EGFL6: variants seen among roughly 807,000 people sequenced by gnomAD.
The protein encoded by EGFL6 is EGF like domain multiple 6.
A neutral mutation model predicts 43.1 loss-of-function variants in EGFL6; 42 were observed. The observed-to-expected ratio is 0.98, with a 90% CI of 0.76 to 1.26. The LOEUF is 1.26. Among genes scored for constraint, EGFL6 ranks in the 50% most tolerant of loss-of-function variants. EGFL6 has a pLI of 0.00. For missense variants in EGFL6, 429 were observed against 427.8 expected, an observed-to-expected ratio of 1.00 and a Z score of -0.02; for synonymous variants, 164 against 163.2, an observed-to-expected ratio of 1.01 and a Z score of -0.04.
Position 13,589,624 on chromosome X carries a change from C to T in EGFL6, c.143C>T (p.Ala48Val). The T allele has an allele frequency of 1.6e-5, 19 of 1,210,975 alleles. No individual in the cohort carries two copies. The highest frequency in any genetic ancestry group is 2.0e-5 in the Non-Finnish European group (18 of 895,083). Residue 48 changes from alanine (A) to valine (V), a missense_variant, in exon 2 of 12, where the codon GCC (alanine) becomes GTC (valine). Coordinates refer to ENST00000361306, the MANE Select transcript of EGFL6 (RefSeq NM_015507.4). ...GTCTGTCACTATGGAACTAAACTGGCCTGCTGCTACGGCTGGAGAAGAAAC... is the reference window on the plus strand; with the variant it reads ...GTCTGTCACTATGGAACTAAACTGGTCTGCTGCTACGGCTGGAGAAGAAAC... ...PGVCHYGTKL[A>V]CCYGWRRNSK...
chrX:13,606,592 C>A, intron 6 of EGFL6, 79 bp downstream of exon 6: 1 of 1,062,253 alleles, frequency 9.4e-7, no homozygotes, highest in Non-Finnish European at 1.3e-6. Flanking sequence ...ATTTTGATGT[C>A]AATTCAAGCT....
chrX:13,628,788 CAA>C (rs917544953), intron 11 of EGFL6, among the ~76,000 whole-genome samples: 10 of 108,215 alleles, frequency 9.2e-5, no homozygotes, highest in Admixed American at 2.9e-4. Flanking sequence ...GCCTGGGCAA[CAA>C]GAGTGAAACT....
At chrX:13,623,376 G>GTTTTTTTTTTTTTTTTTTT (rs1569209997) in intron 9 of EGFL6, among the ~76,000 whole-genome samples, 11 of 41,022 alleles carry the variant, frequency 2.7e-4, no homozygotes, top group East Asian at 1.3e-3. Context: ...TTTTATTTTG[G>GTTTTTTTTTTTTTTTTTTT]GTTTTTTTTT....
intron 1 of EGFL6, among the ~76,000 whole-genome samples, chrX:13,572,639 C>A (rs1986396): frequency 0.081 from 9,061 of 111,404 alleles, 288 homozygotes; most frequent in East Asian, 0.18. Flanking sequence ...TCCTTCCTTA[C>A]AACATATTTC....
chrX:13,587,490 A>T (rs1007923682), intron 1 of EGFL6, among the ~76,000 whole-genome samples: 2 of 111,615 alleles, frequency 1.8e-5, no homozygotes, highest in African/African-American at 6.5e-5. Flanking sequence ...TGTGTTGGTA[A>T]TATTTGACAT....
intron 5 of EGFL6, among the ~76,000 whole-genome samples, chrX:13,603,840 G>C (rs2045647024): frequency 9.0e-6 from 1 of 111,483 alleles, no homozygotes; most frequent in Non-Finnish European, 1.9e-5. Flanking sequence ...TTATTTTTTA[G>C]ATATAACATT....
chrX:13,598,954 A>T (rs776363323), intron 3 of EGFL6, among the ~76,000 whole-genome samples: 424 of 103,705 alleles, frequency 4.1e-3, no homozygotes, highest in African/African-American at 0.014. Context: ...ATATATATAT[A>T]TATATTTTTT....
At chrX:13,613,525 T>C (rs2045703746) in intron 7 of EGFL6, among the ~76,000 whole-genome samples, 1 of 111,437 alleles carries the variant, frequency 9.0e-6, no homozygotes, top group South Asian at 3.8e-4. Flanking sequence ...TTACCTTAGC[T>C]TGATTCCTGA....
At chrX:13,606,641 T>C in intron 6 of EGFL6, 128 bp downstream of exon 6, 1 of 705,862 alleles carries the variant, frequency 1.4e-6, no homozygotes. Context: ...AGCTTAACAA[T>C]AAGGAAAGGT....
At chrX:13,592,868 G>GA (rs1178714895) in intron 2 of EGFL6, among the ~76,000 whole-genome samples, 1 of 73,681 alleles carries the variant, frequency 1.4e-5, no homozygotes, top group Admixed American at 1.8e-4. Context: ...TGTCGGGGGG[G>GA]TGGGGGGGCT....
chrX:13,577,306 A>G, intron 1 of EGFL6, among the ~76,000 whole-genome samples: 1 of 10,976 alleles, frequency 9.1e-5, no homozygotes, highest in Non-Finnish European at 2.0e-4. Flanking sequence ...TTTTATATAT[A>G]TATATATATA....
intron 7 of EGFL6, among the ~76,000 whole-genome samples, chrX:13,608,782 T>C (rs759950132): frequency 3.5e-5 from 4 of 112,684 alleles, no homozygotes; most frequent in African/African-American, 1.3e-4. Context: ...CAGGATAGAC[T>C]GAGTTATGAT....
intron 1 of EGFL6, among the ~76,000 whole-genome samples, chrX:13,586,594 T>G (rs1045860101): frequency 2.7e-5 from 3 of 111,020 alleles, no homozygotes; most frequent in African/African-American, 9.8e-5. Context: ...TCCAACCCCA[T>G]GACCTAATTA....
At chrX:13,592,873 G>A (rs1395802294) in intron 2 of EGFL6, among the ~76,000 whole-genome samples, 4 of 64,310 alleles carry the variant, frequency 6.2e-5, no homozygotes, top group Non-Finnish European at 1.1e-4. Flanking sequence ...GGGGGGTGGG[G>A]GGGCTAGAAA....
rs2045685163 is a variant in EGFL6 at position 13,610,809 on chromosome X, T to C, written c.778+2363T>C. Among the ~76,000 whole-genome samples, 6 of 111,509 alleles carry C rather than the reference T, an allele frequency of 5.4e-5. No individual in the cohort carries two copies. The Admixed American group carries it at 5.7e-4, about 11-fold the overall frequency. The stretch of plus-strand genomic sequence containing the variant: ...CCTCTCTAAGCTCAGTTTCCTCCTG[T>C]TCAAAATGGGGTTTATGGTAGTACT... On this transcript the variant is annotated intron_variant, in intron 7 of 11. Transcript: ENST00000361306.
chrX:13,619,054 G>A, intron 8 of EGFL6, 109 bp from the exon 9 acceptor site: 1 of 577,575 alleles, frequency 1.7e-6, no homozygotes, highest in Non-Finnish European at 2.9e-6. Context: ...AATATATTCT[G>A]TAATTAGAAT....
intron 1 of EGFL6, among the ~76,000 whole-genome samples, chrX:13,583,996 A>C (rs780313056): frequency 8.9e-6 from 1 of 112,210 alleles, no homozygotes; most frequent in Non-Finnish European, 1.9e-5. Context: ...TACTACGAAT[A>C]ATAAAAGCAA....
intron 2 of EGFL6, among the ~76,000 whole-genome samples, chrX:13,593,246 C>T (rs1351764819): frequency 1.8e-5 from 2 of 111,078 alleles, no homozygotes; most frequent in African/African-American, 6.6e-5. Context: ...GGTTATGATA[C>T]CTGTACTGTA....
chrX:13,626,507 A>T (rs2045781264), intron 10 of EGFL6, among the ~76,000 whole-genome samples: 1 of 112,122 alleles, frequency 8.9e-6, no homozygotes, highest in African/African-American at 3.2e-5. Flanking sequence ...TTGGAGTGAT[A>T]TGTTACACAT....
Sources: allele counts gnomAD v4.1 joint callset (sites outside exome capture counted in the v4.1 genomes callset), GRCh38; gene constraint gnomAD v4.1.1; transcripts MANE v1.5; gene names NCBI Gene and HGNC (gene_info 2026-07-23, HGNC 2026-07-21).